SGK2: variants seen among roughly 807,000 people sequenced by gnomAD.
The protein encoded by SGK2 is serine/threonine-protein kinase Sgk2.
Under a neutral mutation model 47.5 loss-of-function variants are expected in SGK2, and 36 were observed. The ratio of observed to expected loss-of-function variants is 0.76; its 90% CI spans 0.58 to 1.00. SGK2 has a LOEUF of 1.00. SGK2 is among the 50% of genes least tolerant of loss of function. The pLI is 0.00. For synonymous variants in SGK2, 157 were observed against 181.9 expected (o/e 0.86, Z 1.10); for missense variants, 404 against 467.4 (o/e 0.86, Z 1.25).
At chr20:43,583,610 C>T in intron 12 of SGK2, 2 of 985,438 alleles carry the variant, frequency 2.0e-6, no homozygotes, top group Non-Finnish European at 2.4e-6. Context: ...GCCTCCTCCA[C>T]AGAGAGACTG....
At chr20:43,576,128 C>T (rs900061998) in intron 10 of SGK2, 96 bp from the exon 11 acceptor site, 32 of 1,455,526 alleles carry the variant, frequency 2.2e-5, no homozygotes, top group Non-Finnish European at 2.7e-5. Context: ...AGGGGTCATA[C>T]TGAATCCTCC....
chr20:43,581,654 G>A (rs753895918), intron 12 of SGK2, among the ~76,000 whole-genome samples: 1 of 152,060 alleles, frequency 6.6e-6, no homozygotes, highest in Non-Finnish European at 1.5e-5. Context: ...TCAGCCTCCC[G>A]AGTAGCTGTG....
chr20:43,584,785 A>G, intron 12 of SGK2, 67 bp from the exon 13 acceptor site: 1 of 1,337,502 alleles, frequency 7.5e-7, no homozygotes, highest in Non-Finnish European at 1.1e-6. Flanking sequence ...TCCCTCTCTG[A>G]GGATCTGGGC....
chr20:43,563,015 A>C (rs1979483471), intron 1 of SGK2, among the ~76,000 whole-genome samples: 3 of 151,982 alleles, frequency 2.0e-5, no homozygotes, highest in Admixed American at 2.0e-4. Flanking sequence ...GGGCACCTGT[A>C]GTCCCGGGTA....
intron 12 of SGK2, among the ~76,000 whole-genome samples, chr20:43,582,274 T>C (rs1157252212): frequency 6.6e-6 from 1 of 152,066 alleles, no homozygotes; most frequent in East Asian, 1.9e-4. Flanking sequence ...CCCAGGCTGA[T>C]CTTGAACTCC....
Position 43,585,568 on chromosome 20 carries a change from A to G in SGK2, c.*552A>G, listed in dbSNP as rs559002061. Reference sequence around the variant, plus strand: ...TCCTGGTGTTTGGATTTTGATCTCAATGTGTAAAATGACAGAGATGTAACA... The same window carrying G: ...TCCTGGTGTTTGGATTTTGATCTCAGTGTGTAAAATGACAGAGATGTAACA... On this transcript the variant is annotated 3_prime_UTR_variant, in exon 13 of 13. Coordinates refer to ENST00000373100, the MANE Select transcript of SGK2 (RefSeq NM_170693.3). 6.5e-6 allele frequency: 1 copy of G among 153,308 alleles called. No homozygotes were observed. The highest frequency in any genetic ancestry group is 2.0e-4 in the South Asian group (1 of 4,886). 9.5% of individuals were successfully genotyped at this position (153,308 alleles called of 1,614,324 possible). A position where few individuals can be genotyped will look rare whatever the true frequency, so the allele number is the denominator to read the frequency against.
At position 43,572,025 on chromosome 20, in the gene SGK2, C is replaced by T. The variant is rs1029120154; in HGVS notation, c.511-26C>T. On this transcript the variant is annotated intron_variant, in intron 8 of 12. Transcript: ENST00000373100. The surrounding 1 kb of genome is among the most constrained non-coding windows in gnomAD (Gnocchi z 4.2). ...CATACCCTTGGCTCATACCACCCTC[C>T]AGCCCATGCCCTCCGTCATTCTCAG... 1.3e-6 allele frequency: 2 copies of T among 1,531,878 alleles called. No homozygotes were observed. Among genetic ancestry groups the T allele is most frequent in the East Asian group, 4.9e-5 (2 of 40,614 alleles). The allele number at this position is 1,531,878 out of a possible 1,614,324, so 94.9% of individuals were successfully genotyped here. A position where few individuals can be genotyped will look rare whatever the true frequency, so the allele number is the denominator to read the frequency against.
intron 11 of SGK2, among the ~76,000 whole-genome samples, chr20:43,578,489 C>CA (rs1178322504): frequency 1.2e-4 from 18 of 146,096 alleles, no homozygotes; most frequent in Middle Eastern, 3.5e-3. Flanking sequence ...ACTCTATCTC[C>CA]AAAAAAAAAA....
intron 12 of SGK2, among the ~76,000 whole-genome samples, chr20:43,581,818 C>T (rs575372500): frequency 8.2e-4 from 125 of 152,258 alleles, no homozygotes; most frequent in Admixed American, 1.2e-3. Context: ...CGTGAGCCAC[C>T]GCACCTGGCC....
At chr20:43,584,373 A>G (rs73907843) in intron 12 of SGK2, among the ~76,000 whole-genome samples, 2,012 of 152,304 alleles carry the variant, frequency 0.013, 31 homozygotes, top group African/African-American at 0.037. Context: ...ATTTGTGAAC[A>G]TTTTTGTAAT....
At chr20:43,570,564 T>A in intron 6 of SGK2, 53 bp from the exon 7 acceptor site, 1 of 1,256,644 alleles carries the variant, frequency 8.0e-7, no homozygotes, top group Non-Finnish European at 1.1e-6. Context: ...AGGTGCACCC[T>A]AGCCCTACAG....
intron 11 of SGK2, among the ~76,000 whole-genome samples, chr20:43,579,111 G>A (rs1276961803): frequency 4.0e-5 from 6 of 150,510 alleles, no homozygotes; most frequent in South Asian, 2.1e-4. Flanking sequence ...TCTGCCTCCC[G>A]GGTTCAAGTG....
At position 43,569,460 on chromosome 20, in the gene SGK2, T is replaced by C; in HGVS notation, c.304T>C (p.Ser102Pro). ...CCCCTTCCTCGTGGGCCTGCGCTACTCCTTCCAGACACCTGAGAAGCTCTA... is the reference window on the plus strand; with the variant it reads ...CCCCTTCCTCGTGGGCCTGCGCTACCCCTTCCAGACACCTGAGAAGCTCTA... ...RHPFLVGLRY[S>P]FQTPEKLYFV... is the part of the protein sequence containing the mutation. The change falls in exon 6 of 13, where the codon TCC (serine) becomes CCC (proline). Residue 102 changes from serine (S) to proline (P), a missense_variant. Coordinates refer to ENST00000373100, the MANE Select transcript of SGK2 (RefSeq NM_170693.3). 6.2e-7 allele frequency: 1 copy of C among 1,613,836 alleles called. No homozygotes were observed. The highest frequency in any genetic ancestry group is 8.5e-7 in the Non-Finnish European group (1 of 1,179,998).
In SGK2 at chr20:43,569,408, C is replaced by T; in HGVS notation, c.252C>T (p.Arg84=). The change falls in exon 6 of 13, where the codon CGC becomes CGT. Residue 84 remains arginine (R), a synonymous_variant. Coordinates refer to ENST00000373100, the MANE Select transcript of SGK2 (RefSeq NM_170693.3). ...KKEQSHIMAE[R]SVLLKNVRHP... The stretch of plus-strand genomic sequence containing the variant: ...AGCAGAGCCACATCATGGCAGAGCG[C>T]AGTGTGCTTCTGAAGAACGTGCGGC... The T allele has an allele frequency of 6.2e-7, 1 of 1,614,022 alleles. No individual in the cohort carries two copies. The highest frequency in any genetic ancestry group is 8.5e-7 in the Non-Finnish European group (1 of 1,180,020).
Position 43,576,395 on chromosome 20 carries a change from G to T in SGK2, c.849+16G>T. ...AGCAGACTTTGTAGGTGACCTACCAGTGGAGCACTGGCCCCCATGGGGCTC... is the reference window on the plus strand; with the variant it reads ...AGCAGACTTTGTAGGTGACCTACCATTGGAGCACTGGCCCCCATGGGGCTC... On this transcript the variant is annotated intron_variant, in intron 11 of 12. Coordinates refer to ENST00000373100, the MANE Select transcript of SGK2 (RefSeq NM_170693.3). The T allele has an allele frequency of 6.2e-7, 1 of 1,611,762 alleles. No individual in the cohort carries two copies. Among genetic ancestry groups the T allele is most frequent in the South Asian group, 1.1e-5 (1 of 90,816 alleles).
chr20:43,583,544 T>C, intron 12 of SGK2: 10 of 985,458 alleles, frequency 1.0e-5, no homozygotes, highest in Non-Finnish European at 1.2e-5. Flanking sequence ...ACTTGCACAC[T>C]AAAGCAGATT....
At chr20:43,581,749 G>A (rs536243042) in intron 12 of SGK2, among the ~76,000 whole-genome samples, 12 of 152,152 alleles carry the variant, frequency 7.9e-5, no homozygotes, top group East Asian at 1.9e-4. Flanking sequence ...GGCTGGTCTC[G>A]AACTCCTGGC....
intron 7 of SGK2, 58 bp downstream of exon 7, chr20:43,570,787 G>C: frequency 7.2e-7 from 1 of 1,386,774 alleles, no homozygotes. Context: ...CAACAGCTAG[G>C]GGTTGTGTGG....
chr20:43,580,665 T>C lies in SGK2; in HGVS notation c.939+604T>C, dbSNP rs537551153. Among the ~76,000 whole-genome samples, 3 of 134,756 alleles carry C rather than the reference T, an allele frequency of 2.2e-5. No homozygotes were observed. In the East Asian group the frequency reaches 6.7e-4, roughly 30 times the overall value. The allele number at this position is 134,756 out of a possible 152,430, so 88.4% of individuals were successfully genotyped here. A position where few individuals can be genotyped will look rare whatever the true frequency, so the allele number is the denominator to read the frequency against. On this transcript the variant is annotated intron_variant, in intron 12 of 12. Coordinates refer to ENST00000373100, the MANE Select transcript of SGK2 (RefSeq NM_170693.3). ...ATAGCTTGAACCTGGGAGGCAAGGG[T>C]CACAGTGAGCCAAGATCATGCCATT...
Sources: allele counts gnomAD v4.1 joint callset (sites outside exome capture counted in the v4.1 genomes callset), GRCh38; gene constraint gnomAD v4.1.1; non-coding constraint Gnocchi (gnomAD v3.1); transcripts MANE v1.5; gene names NCBI Gene and HGNC (gene_info 2026-07-23, HGNC 2026-07-21).